The following TMEM45B variants were observed in gnomAD, a reference collection of about 807,000 sequenced individuals.
The protein encoded by TMEM45B is transmembrane protein 45B.
In TMEM45B, 29 loss-of-function variants were observed where a neutral mutation model predicts 27.3. That is an observed-to-expected ratio of 1.06 (90% CI 0.79 to 1.45). The LOEUF is 1.45. Among genes scored for constraint, TMEM45B ranks in the 40% most tolerant of loss-of-function variants. The pLI is 0.00. For missense variants in TMEM45B, 348 were observed against 343.9 expected (o/e 1.01, Z -0.09); for synonymous variants, 143 against 134.7 (o/e 1.06, Z -0.43).
intron 1 of TMEM45B, among the ~76,000 whole-genome samples, chr11:129,852,175 G>C (rs958493973): frequency 2.6e-5 from 4 of 152,012 alleles, no homozygotes; most frequent in Non-Finnish European, 5.9e-5. Context: ...TTATGGCTTG[G>C]AAGTTTTCTC....
At chr11:129,848,008 G>A (rs1453366767) in intron 1 of TMEM45B, among the ~76,000 whole-genome samples, 3 of 150,950 alleles carry the variant, frequency 2.0e-5, no homozygotes, top group Admixed American at 6.6e-5. Flanking sequence ...TGGCGGCCGG[G>A]CAGAGACGCT....
intron 1 of TMEM45B, among the ~76,000 whole-genome samples, chr11:129,830,192 T>C (rs1947531444): frequency 6.6e-6 from 1 of 152,154 alleles, no homozygotes; most frequent in African/African-American, 2.4e-5. Context: ...CCAGGTGTGG[T>C]GGCGCATGCC....
intron 3 of TMEM45B, 23 bp downstream of exon 3, chr11:129,854,839 G>A: frequency 6.2e-7 from 1 of 1,605,596 alleles, no homozygotes; most frequent in Non-Finnish European, 8.5e-7. Context: ...AACGGATGGA[G>A]AGGAAGGAGA....
chr11:129,826,177 A>G (rs1947475718), intron 1 of TMEM45B, among the ~76,000 whole-genome samples: 1 of 152,110 alleles, frequency 6.6e-6, no homozygotes, highest in Admixed American at 6.5e-5. Context: ...TTTGTGATGT[A>G]TTAATGAGGA....
intron 1 of TMEM45B, among the ~76,000 whole-genome samples, chr11:129,849,804 G>A (rs1394111254): frequency 4.6e-5 from 7 of 152,182 alleles, no homozygotes; most frequent in South Asian, 2.1e-4. Flanking sequence ...CCCCGCAGGC[G>A]CCTGGGCCCT....
At chr11:129,858,003 A>G (rs1947954440) in intron 5 of TMEM45B, among the ~76,000 whole-genome samples, 1 of 152,176 alleles carries the variant, frequency 6.6e-6, no homozygotes, top group Non-Finnish European at 1.5e-5. Context: ...TTTAATCTTC[A>G]CTGCTTTATG....
intron 1 of TMEM45B, among the ~76,000 whole-genome samples, chr11:129,834,027 G>A (rs911480639): frequency 7.9e-5 from 12 of 152,332 alleles, no homozygotes; most frequent in East Asian, 3.9e-4. Flanking sequence ...AAGAAATAGC[G>A]TGCTGTTGAG....
Position 129,846,560 on chromosome 11 carries a change from CTG to C in TMEM45B, c.-8-5911_-8-5910del, listed in dbSNP as rs371224860. Among the ~76,000 whole-genome samples the C allele has an allele frequency of 2.2e-4, 34 of 152,280 alleles. No homozygotes were observed. In the East Asian group the frequency reaches 5.8e-3, roughly 26 times the overall value. On this transcript the variant is annotated intron_variant, in intron 1 of 5. Transcript: ENST00000281441. The stretch of plus-strand genomic sequence containing the variant: ...CACAAGTATTTACTGAGTGCTCACT[CTG>C]TGTCTGGCCCTGCGGTAAGCTGTGG...
intron 1 of TMEM45B, among the ~76,000 whole-genome samples, chr11:129,827,444 A>C (rs1213282512): frequency 6.6e-6 from 1 of 152,246 alleles, no homozygotes; most frequent in Non-Finnish European, 1.5e-5. Flanking sequence ...CGTACCACAC[A>C]CTGTAAGCAG....
chr11:129,818,076 T>C (rs539211282), intron 1 of TMEM45B, among the ~76,000 whole-genome samples: 1 of 152,286 alleles, frequency 6.6e-6, no homozygotes, highest in South Asian at 2.1e-4. Context: ...ATATGAACAA[T>C]TAGAGGCCAC....
rs1158684926 is a variant in TMEM45B, at chr11:129,837,606, AG to A, written c.-8-14866del. The stretch of plus-strand genomic sequence containing the variant: ...TGGGCTTTTTTTTTTTTTTTGAGAC[AG>A]GGTCTCCTCTGTTGCCCAGGCTGGA... On this transcript the variant is annotated intron_variant, in intron 1 of 5. Coordinates refer to ENST00000281441, the MANE Select transcript of TMEM45B (RefSeq NM_138788.5). Among the ~76,000 whole-genome samples the A allele has an allele frequency of 1.5e-3, 46 of 30,352 alleles. 1 individual carries two copies. The highest frequency in any genetic ancestry group is 4.3e-3 in the African/African-American group (45 of 10,572). 19.9% of individuals were successfully genotyped at this position (30,352 alleles called of 152,430 possible). A position where few individuals can be genotyped will look rare whatever the true frequency, so the allele number is the denominator to read the frequency against.
At chr11:129,835,998 A>G (rs140413991) in intron 1 of TMEM45B, among the ~76,000 whole-genome samples, 4,848 of 152,186 alleles carry the variant, frequency 0.032, 105 homozygotes, top group Middle Eastern at 0.075. Flanking sequence ...CATGCCTGTA[A>G]TCCTAGCTAC....
At chr11:129,832,557 CG>C (rs1565365528) in intron 1 of TMEM45B, among the ~76,000 whole-genome samples, 1 of 150,880 alleles carries the variant, frequency 6.6e-6, no homozygotes, top group African/African-American at 2.4e-5. Context: ...TGGCGGGAAA[CG>C]GGAATGACCA....
At chr11:129,832,369 CAAAT>C (rs941848623) in intron 1 of TMEM45B, among the ~76,000 whole-genome samples, 13 of 152,074 alleles carry the variant, frequency 8.5e-5, no homozygotes, top group Admixed American at 3.3e-4. Context: ...GACTGTGTCT[CAAAT>C]AAATAAATAA....
chr11:129,839,789 G>A (rs1037766715), intron 1 of TMEM45B, among the ~76,000 whole-genome samples: 1 of 152,096 alleles, frequency 6.6e-6, no homozygotes, highest in Non-Finnish European at 1.5e-5. Context: ...CCCGCCTCAG[G>A]CTTCCAAAGT....
intron 1 of TMEM45B, among the ~76,000 whole-genome samples, chr11:129,825,024 G>A (rs974556456): frequency 6.6e-6 from 1 of 152,208 alleles, no homozygotes; most frequent in Non-Finnish European, 1.5e-5. Flanking sequence ...GCAAGGGGAC[G>A]TGGACCCCTC....
intron 1 of TMEM45B, among the ~76,000 whole-genome samples, chr11:129,849,180 CTT>C (rs1298694950): frequency 2.6e-5 from 4 of 152,218 alleles, no homozygotes; most frequent in African/African-American, 9.6e-5. Context: ...GACTCATTCA[CTT>C]TGAGATAAAT....
chr11:129,822,542 C>A (rs1947431527), intron 1 of TMEM45B, among the ~76,000 whole-genome samples: 1 of 152,148 alleles, frequency 6.6e-6, no homozygotes, highest in African/African-American at 2.4e-5. Context: ...GATCTCATTT[C>A]TAGCCATTTA....
At chr11:129,819,260 T>C (rs1399845854) in intron 1 of TMEM45B, among the ~76,000 whole-genome samples, 1 of 152,228 alleles carries the variant, frequency 6.6e-6, no homozygotes, top group African/African-American at 2.4e-5. Flanking sequence ...GAGATGTCAT[T>C]AGACGTTCAT....
Sources: gnomAD v4.1 joint callset for allele counts (sites outside exome capture counted in the v4.1 genomes callset) on GRCh38, gnomAD v4.1.1 for gene constraint, MANE v1.5 for transcripts, NCBI Gene and HGNC (gene_info 2026-07-23, HGNC 2026-07-21) for gene names.